Variants in MTHFSD observed in about 807,000 individuals in gnomAD.
MTHFSD encodes the protein methenyltetrahydrofolate synthase domain-containing protein.
MTHFSD carries 37 observed loss-of-function variants against 31.1 expected under a neutral mutation model. That is an observed-to-expected ratio of 1.19 (90% CI 0.91 to 1.56). The LOEUF (loss-of-function observed/expected upper bound fraction) is 1.56. Among genes scored for constraint, MTHFSD ranks in the 40% most tolerant of loss-of-function variants. The probability of loss-of-function intolerance (pLI) is 0.00; values close to 1 mark genes in which losing one functional copy is unlikely to be tolerated. For missense variants in MTHFSD, 664 were observed against 510.1 expected, an observed-to-expected ratio of 1.30 and a Z score of -2.91; for synonymous variants, 221 against 206.9, an observed-to-expected ratio of 1.07 and a Z score of -0.59.
At position 86,532,081 on chromosome 16, in the gene MTHFSD, C is replaced by T; in HGVS notation, c.1082G>A (p.Cys361Tyr). ...GGTGCCCAGGCGCAGGCCCTGCAAGCAGGAGACGGCCTGCTGGGCTGCGGC... is the reference window on the plus strand; with the variant it reads ...GGTGCCCAGGCGCAGGCCCTGCAAGTAGGAGACGGCCTGCTGGGCTGCGGC... ...DSAAAQQAVS[C>Y]LQGLRLGTDT... The change falls in exon 8 of 8, where the codon TGC becomes TAC. Residue 361 changes from cysteine (C) to tyrosine (Y), a missense_variant. By Grantham distance (194) the Cys-to-Tyr change is radical (BLOSUM62 -2). Coordinates refer to ENST00000360900, the MANE Select transcript of MTHFSD (RefSeq NM_001159377.2). The T allele has an allele frequency of 6.5e-7, 1 of 1,529,072 alleles. No homozygotes were observed. The highest frequency in any genetic ancestry group is 2.0e-5 in the Admixed American group (1 of 49,784). 94.7% of individuals were successfully genotyped at this position (1,529,072 alleles called of 1,614,324 possible).
At chr16:86,554,329 C>G in intron 2 of MTHFSD, among the ~76,000 whole-genome samples, 1 of 152,198 alleles carries the variant, frequency 6.6e-6, no homozygotes, top group East Asian at 1.9e-4. Flanking sequence ...GACACGCTGC[C>G]TTTAAAAACT....
At chr16:86,540,380 AGG>A (rs1456447753) in intron 7 of MTHFSD, among the ~76,000 whole-genome samples, 2 of 152,102 alleles carry the variant, frequency 1.3e-5, no homozygotes, top group Non-Finnish European at 2.9e-5. Flanking sequence ...GCTTTTCTGT[AGG>A]AGGATATATT....
chr16:86,541,717 T>C lies in MTHFSD; in HGVS notation c.661A>G (p.Met221Val), dbSNP rs201953117. The change falls in exon 7 of 8, where the codon ATG becomes GTG. Residue 221 changes from methionine to valine, a missense_variant. Met to Val is a conservative substitution (Grantham distance 21). Coordinates refer to ENST00000360900, the MANE Select transcript of MTHFSD (RefSeq NM_001159377.2). ...CCCACCTTGAACCAGGTGATTCCCA[T>C]TGGCTTTGGGCGCTTGCAGCCTGTG... Reference protein sequence around the residue: ...IATGCKRPKPMGITWFKISLE... With the variant: ...IATGCKRPKPVGITWFKISLE... 2.5e-6 allele frequency: 4 copies of C among 1,613,754 alleles called. No homozygotes were observed. The highest frequency in any genetic ancestry group is 2.7e-5 in the African/African-American group (2 of 75,064).
At chr16:86,547,232 C>A in intron 4 of MTHFSD, 1 of 986,156 alleles carries the variant, frequency 1.0e-6, no homozygotes, top group Non-Finnish European at 1.2e-6. Flanking sequence ...ATTATCCCTT[C>A]AACCAAAATG....
intron 7 of MTHFSD, among the ~76,000 whole-genome samples, chr16:86,534,616 T>G (rs1970422734): frequency 1.3e-5 from 2 of 152,368 alleles, no homozygotes; most frequent in South Asian, 4.1e-4. Flanking sequence ...AGATATAAAC[T>G]GGTCATCATT....
intron 7 of MTHFSD, among the ~76,000 whole-genome samples, chr16:86,538,492 T>A (rs1160463593): frequency 6.6e-6 from 1 of 152,226 alleles, no homozygotes; most frequent in Non-Finnish European, 1.5e-5. Context: ...TGGCTGGGAC[T>A]CTGCATTTCA....
At chr16:86,537,864 C>A (rs1235173524) in intron 7 of MTHFSD, among the ~76,000 whole-genome samples, 1 of 152,196 alleles carries the variant, frequency 6.6e-6, no homozygotes, top group Non-Finnish European at 1.5e-5. Context: ...TGGAAGAATC[C>A]AGTTTCCCTC....
rs1969972252 is a variant in MTHFSD, at chr16:86,531,325, T to G, written c.*686A>C. The G allele has an allele frequency of 6.6e-6, 1 of 152,194 alleles. No individual in the cohort carries two copies. Among genetic ancestry groups the G allele is most frequent in the African/African-American group, 2.4e-5 (1 of 41,442 alleles). The allele number at this position is 152,194 out of a possible 1,614,324, so 9.4% of individuals were successfully genotyped here. A position where few individuals can be genotyped will look rare whatever the true frequency, so the allele number is the denominator to read the frequency against. ...ATGAAACCCATTCTCCCAGAGCCGG[T>G]CTCTCCCACAGCACAAAGCTGCTCC... is the stretch of plus-strand genomic sequence containing the variant. On this transcript the variant is annotated 3_prime_UTR_variant, in exon 8 of 8. Coordinates refer to ENST00000360900, the MANE Select transcript of MTHFSD (RefSeq NM_001159377.2). The surrounding 1 kb of genome is among the most constrained non-coding windows in gnomAD (Gnocchi z 5.5).
chr16:86,547,935 T>C (rs1453323941), intron 4 of MTHFSD: 1 of 812,414 alleles, frequency 1.2e-6, no homozygotes, highest in Non-Finnish European at 1.6e-6. Context: ...TGACCAATTT[T>C]ATTATAATGC....
intron 2 of MTHFSD, 128 bp from the exon 3 acceptor site, chr16:86,552,274 C>T (rs549025605): frequency 9.4e-6 from 15 of 1,592,122 alleles, no homozygotes; most frequent in East Asian, 4.6e-5. Context: ...GGGAGTTGCT[C>T]GGCAGCATGA....
intron 7 of MTHFSD, chr16:86,535,071 C>T: frequency 4.3e-6 from 1 of 234,856 alleles, no homozygotes; most frequent in Non-Finnish European, 7.0e-6. Flanking sequence ...ACAAATATAT[C>T]CTTCCGTGCA....
chr16:86,551,474 C>G (rs1356597262), intron 3 of MTHFSD, among the ~76,000 whole-genome samples: 2 of 152,152 alleles, frequency 1.3e-5, no homozygotes, highest in African/African-American at 4.8e-5. Flanking sequence ...GCTTCAACGC[C>G]ATAGTTTTTG....
chr16:86,553,859 G>C (rs927976040), intron 2 of MTHFSD: 3 of 152,442 alleles, frequency 2.0e-5, no homozygotes, highest in African/African-American at 7.2e-5. Flanking sequence ...GTCTAGCTAA[G>C]GGATTGTAAA....
chr16:86,552,890 T>A (rs1234783006), intron 2 of MTHFSD, among the ~76,000 whole-genome samples: 1 of 152,232 alleles, frequency 6.6e-6, no homozygotes, highest in Admixed American at 6.5e-5. Context: ...AGCTAAGTCC[T>A]TCAGGGCAGA....
chr16:86,536,766 G>A (rs1970749768), intron 7 of MTHFSD, among the ~76,000 whole-genome samples: 1 of 152,244 alleles, frequency 6.6e-6, no homozygotes, highest in African/African-American at 2.4e-5. Context: ...CCCTCATTGC[G>A]AGGCCCGCGG....
intron 3 of MTHFSD, among the ~76,000 whole-genome samples, chr16:86,549,344 G>C (rs1972799562): frequency 6.6e-6 from 1 of 152,380 alleles, no homozygotes; most frequent in Admixed American, 6.5e-5. Context: ...GCAATCATAA[G>C]ATCTGTGAAA....
In MTHFSD at chr16:86,543,372, C is replaced by T. The variant is rs373254006; in HGVS notation, c.443-1159G>A. ...AATCCACCCTTCAGTTCAGCAACTC[C>T]CCTCCGAGGCATTGGCCCCCATGGA... On this transcript the variant is annotated intron_variant, in intron 5 of 7. Transcript: ENST00000360900. Among the ~76,000 whole-genome samples the T allele has an allele frequency of 1.1e-4, 16 of 152,248 alleles. No individual in the cohort carries two copies. The East Asian group carries it at 2.5e-3, about 24-fold the overall frequency.
chr16:86,553,634 C>T, intron 2 of MTHFSD: 1 of 156,826 alleles, frequency 6.4e-6, no homozygotes, highest in Non-Finnish European at 1.4e-5. Flanking sequence ...CTGAGCCTCC[C>T]CACCCCCACC....
In MTHFSD at chr16:86,532,219, C is replaced by A; in HGVS notation, c.944G>T (p.Gly315Val). ...AADVYVGNLP[G>V]DARVSDLKRA... is the part of the protein sequence containing the mutation. ...CTTCAGGTCACTCACACGGGCGTCCCCGGGGAGGTTCCCAACGTAAACATC... is the reference window on the plus strand; with the variant it reads ...CTTCAGGTCACTCACACGGGCGTCCACGGGGAGGTTCCCAACGTAAACATC... The change falls in exon 8 of 8, where the codon GGG (glycine) becomes GTG (valine). Residue 315 changes from glycine to valine, a missense_variant. Transcript: ENST00000360900. 1 of 1,582,538 alleles carries A rather than the reference C, an allele frequency of 6.3e-7. No individual in the cohort carries two copies. The highest frequency in any genetic ancestry group is 8.6e-7 in the Non-Finnish European group (1 of 1,164,998).
Sources: gnomAD v4.1 joint callset for allele counts (sites outside exome capture counted in the v4.1 genomes callset) on GRCh38, gnomAD v4.1.1 for gene constraint, Gnocchi (gnomAD v3.1) non-coding constraint, MANE v1.5 for transcripts, NCBI Gene and HGNC (gene_info 2026-07-23, HGNC 2026-07-21) for gene names.